The following PFKFB3 variants were observed in gnomAD, a reference collection of about 807,000 sequenced individuals.
PFKFB3 encodes the protein 6-phosphofructo-2-kinase/fructose-2,6-bisphosphatase 3.
A neutral mutation model predicts 68.0 loss-of-function variants in PFKFB3; 33 were observed. That is an observed-to-expected ratio of 0.49 (90% CI 0.37 to 0.65). The LOEUF (loss-of-function observed/expected upper bound fraction) is 0.65, where lower values mean the gene tolerates loss of function less well. Among genes scored for constraint, PFKFB3 ranks in the 30% least tolerant of loss-of-function variants. The pLI, the probability that PFKFB3 is intolerant of heterozygous loss-of-function variation, is 0.00. For synonymous variants in PFKFB3, 315 were observed against 288.2 expected, an observed-to-expected ratio of 1.09 and a Z score of -0.94; for missense variants, 586 against 712.2, an observed-to-expected ratio of 0.82 and a Z score of 2.02.
At chr10:6,200,674 G>T (rs11257214), upstream of PFKFB3, among the ~76,000 whole-genome samples, 1 of 124,092 alleles carries the variant, frequency 8.1e-6, no homozygotes, top group African/African-American at 3.0e-5. Flanking sequence ...GGGGGGGGGG[G>T]GCGGGGGGTG....
At chr10:6,177,438 CTCTTTCTTTCTTTCTTTCTTTCTT>C (rs60272376) in intron 1 of PFKFB3, among the ~76,000 whole-genome samples, 29 of 86,716 alleles carry the variant, frequency 3.3e-4, no homozygotes, top group African/African-American at 6.3e-4. Context: ...TCTTTTCTTT[CTCTTTCTTTCTTTCTTTCTTTCTT>C]TCTTTCTTTC....
Position 6,203,153 on chromosome 10 carries a change from C to T in PFKFB3, c.-108C>T. 2.7e-6 allele frequency: 4 copies of T among 1,505,484 alleles called. No homozygotes were observed. In the South Asian group the frequency reaches 5.0e-5, roughly 19 times the overall value. The allele number at this position is 1,505,484 out of a possible 1,614,324, so 93.3% of individuals were successfully genotyped here. A position where few individuals can be genotyped will look rare whatever the true frequency, so the allele number is the denominator to read the frequency against. ...AGCGCAGGAAACGCCCGGCCGCGCG[C>T]CGGCGCACGCCCCCCTCTCCTCCTT... On this transcript the variant is annotated 5_prime_UTR_variant, in exon 1 of 15. Transcript: ENST00000379775.
At chr10:6,289,520 A>T in the PFKFB3 span, among the ~76,000 whole-genome samples, 15 of 152,060 alleles carry the variant, frequency 9.9e-5, no homozygotes, top group African/African-American at 2.7e-4. Flanking sequence ...GTTGTAGATA[A>T]GTGGCATTAT....
At chr10:6,279,960 G>C in the PFKFB3 span, among the ~76,000 whole-genome samples, 1 of 152,102 alleles carries the variant, frequency 6.6e-6, no homozygotes, top group Non-Finnish European at 1.5e-5. Flanking sequence ...GAGCTTTGCA[G>C]GTGGGCAGGA....
At chr10:6,303,562 C>G in the PFKFB3 span, among the ~76,000 whole-genome samples, 1 of 151,934 alleles carries the variant, frequency 6.6e-6, no homozygotes, top group South Asian at 2.1e-4. Flanking sequence ...CGCCTGTAAT[C>G]CCAGCACTTT....
chr10:6,165,320 T>C (rs965832207), intron 1 of PFKFB3, among the ~76,000 whole-genome samples: 13 of 152,230 alleles, frequency 8.5e-5, no homozygotes, highest in African/African-American at 3.1e-4. Flanking sequence ...TCTGTGAGCA[T>C]AGGGTTGGGG....
At chr10:6,298,269 AT>A in the PFKFB3 span, among the ~76,000 whole-genome samples, 2 of 151,916 alleles carry the variant, frequency 1.3e-5, no homozygotes, top group African/African-American at 2.4e-5. Flanking sequence ...GTAACCTCGG[AT>A]TACCCTAGGT....
chr10:6,289,245 T>C, the PFKFB3 span, among the ~76,000 whole-genome samples: 10 of 149,492 alleles, frequency 6.7e-5, no homozygotes, highest in African/African-American at 1.5e-4. Context: ...TTTGTTGCCA[T>C]TGCTTATGGT....
the PFKFB3 span, among the ~76,000 whole-genome samples, chr10:6,280,855 T>C: frequency 2.0e-5 from 3 of 151,994 alleles, no homozygotes; most frequent in South Asian, 6.2e-4. Flanking sequence ...TTTGGTTACA[T>C]AAGCAGGTTC....
chr10:6,163,840 G>T (rs1170008960), intron 1 of PFKFB3: 2 of 151,944 alleles, frequency 1.3e-5, no homozygotes, highest in Non-Finnish European at 2.9e-5. Context: ...GGCGTGCGCC[G>T]CGCGGCCCCA....
rs1487867305 is a variant in PFKFB3, at chr10:6,246,688, T to C, written c.1516-7490T>C. The stretch of plus-strand genomic sequence containing the variant: ...ATTAATATTTTTAAAATGTTAGATT[T>C]GGAGGGGAGATGTGCAGGTTTGTTA... On this transcript the variant is annotated intron_variant, in intron 14 of 14. Transcript: ENST00000640683. Among the ~76,000 whole-genome samples the C allele has an allele frequency of 4.6e-5, 7 of 152,252 alleles. No homozygotes were observed. The East Asian group carries it at 7.7e-4, about 17-fold the overall frequency.
chr10:6,261,614 T>C, the PFKFB3 span, among the ~76,000 whole-genome samples: 1 of 152,288 alleles, frequency 6.6e-6, no homozygotes, highest in Admixed American at 6.5e-5. Flanking sequence ...ATCCCAGCAC[T>C]TTGGGAGGCC....
At chr10:6,281,497 G>A in the PFKFB3 span, among the ~76,000 whole-genome samples, 6 of 151,874 alleles carry the variant, frequency 4.0e-5, no homozygotes, top group South Asian at 2.1e-4. Flanking sequence ...AACAGATATC[G>A]GGGCTCCCAT....
intron 1 of PFKFB3, among the ~76,000 whole-genome samples, chr10:6,196,461 G>C (rs1251039390): frequency 1.3e-5 from 2 of 152,156 alleles, no homozygotes; most frequent in Admixed American, 6.5e-5. Flanking sequence ...TGAGGAGCAA[G>C]GAAGCCAGTC....
intron 3 of PFKFB3, 122 bp from the exon 4 acceptor site, chr10:6,216,003 C>A: frequency 1.0e-6 from 1 of 953,660 alleles, no homozygotes; most frequent in South Asian, 1.3e-5. Flanking sequence ...GCCTGCCCAG[C>A]GCTAAGCAGT....
At chr10:6,226,054 C>T (rs749698082) in intron 13 of PFKFB3, 138 bp from the exon 14 acceptor site, 2 of 707,202 alleles carry the variant, frequency 2.8e-6, no homozygotes, top group Non-Finnish European at 4.8e-6. Context: ...TGGTCCCTGG[C>T]CCGTGGTCCC....
intron 1 of PFKFB3, among the ~76,000 whole-genome samples, chr10:6,156,073 T>C (rs1841774708): frequency 6.6e-6 from 1 of 152,136 alleles, no homozygotes; most frequent in Non-Finnish European, 1.5e-5. Context: ...TGTGTGTCTG[T>C]GTGTTACCCA....
downstream of PFKFB3, among the ~76,000 whole-genome samples, chr10:6,239,284 A>G (rs1221860884): frequency 2.0e-5 from 3 of 152,194 alleles, no homozygotes; most frequent in South Asian, 4.1e-4. Context: ...CCTTTCAGAT[A>G]TGGAACTGTA....
chr10:6,250,269 T>G (rs2132081146), intron 14 of PFKFB3, among the ~76,000 whole-genome samples: 1 of 152,136 alleles, frequency 6.6e-6, no homozygotes, highest in Middle Eastern at 3.4e-3. Flanking sequence ...TGTGACAGTA[T>G]TAAGAGGCGG....
Sources: gnomAD v4.1 joint callset for allele counts (sites outside exome capture counted in the v4.1 genomes callset) on GRCh38, gnomAD v4.1.1 for gene constraint, MANE v1.5 for transcripts, NCBI Gene and HGNC (gene_info 2026-07-23, HGNC 2026-07-21) for gene names.